The following ANKMY1 variants were observed in gnomAD, a reference collection of about 807,000 sequenced individuals.
The protein encoded by ANKMY1 is ankyrin repeat and MYND domain containing 1.
In ANKMY1, 98 loss-of-function variants were observed where a neutral mutation model predicts 102.0. The ratio of observed to expected loss-of-function variants is 0.96; its 90% CI spans 0.82 to 1.14. The LOEUF is 1.14. Ranked by LOEUF, ANKMY1 falls within the 50% of genes most tolerant of loss-of-function variation. The pLI, the probability that ANKMY1 is intolerant of heterozygous loss-of-function variation, is 0.00. For synonymous variants in ANKMY1, 582 were observed against 559.9 expected (o/e 1.04, Z -0.56); for missense variants, 1,330 against 1,347.6 (o/e 0.99, Z 0.20).
intron 13 of ANKMY1, 100 bp downstream of exon 13, chr2:240,507,460 C>T: frequency 7.1e-7 from 1 of 1,417,484 alleles, no homozygotes; most frequent in Non-Finnish European, 9.4e-7. Flanking sequence ...ACTCCCCTCC[C>T]CGCTCATCAG....
chr2:240,526,195 C>T (rs1044701735), intron 6 of ANKMY1, 34 bp downstream of exon 6: 13 of 1,613,116 alleles, frequency 8.1e-6, no homozygotes, highest in Admixed American at 1.7e-5. Context: ...AGCTAAGCTC[C>T]TGCGGGCACC....
chr2:240,479,560 C>G lies in ANKMY1; in HGVS notation c.*49G>C. 6.2e-7 allele frequency: 1 copy of G among 1,604,354 alleles called. No homozygotes were observed. Among genetic ancestry groups the G allele is most frequent in the Non-Finnish European group, 8.5e-7 (1 of 1,172,082 alleles). ...TGAGGTGGCTCAGGCAGGTAAGAAACCCACACAGTCCTGGGTCCTCCCCAA... is the reference window on the plus strand; with the variant it reads ...TGAGGTGGCTCAGGCAGGTAAGAAAGCCACACAGTCCTGGGTCCTCCCCAA... On this transcript the variant is annotated 3_prime_UTR_variant, in exon 18 of 18. Transcript: ENST00000401804.
intron 15 of ANKMY1, among the ~76,000 whole-genome samples, chr2:240,492,159 A>T (rs1261589601): frequency 2.0e-5 from 3 of 151,956 alleles, no homozygotes; most frequent in Admixed American, 6.6e-5. Context: ...CACCCAGCTA[A>T]TTTTTTTCTT....
At chr2:240,560,749 T>C, upstream of ANKMY1, 1 of 1,506,296 alleles carries the variant, frequency 6.6e-7, no homozygotes, top group Non-Finnish European at 8.8e-7. Context: ...TTGGTGCGCG[T>C]CGCGCCCTCA....
At chr2:240,502,151 G>C (rs1377638694) in intron 13 of ANKMY1, among the ~76,000 whole-genome samples, 7 of 146,342 alleles carry the variant, frequency 4.8e-5, no homozygotes, top group Non-Finnish European at 1.0e-4. Flanking sequence ...CAATGTTGCT[G>C]GGGGACTTGC....
intron 15 of ANKMY1, among the ~76,000 whole-genome samples, chr2:240,484,119 A>C (rs951628824): frequency 2.0e-5 from 3 of 152,206 alleles, no homozygotes; most frequent in Non-Finnish European, 4.4e-5. Flanking sequence ...AGTCTTTGCT[A>C]TTGTGAATAG....
intron 14 of ANKMY1, 104 bp from the exon 15 acceptor site, chr2:240,500,227 C>T: frequency 7.2e-7 from 1 of 1,383,844 alleles, no homozygotes; most frequent in South Asian, 1.4e-5. Flanking sequence ...TGATATATAA[C>T]TGAGGACGAA....
intron 15 of ANKMY1, among the ~76,000 whole-genome samples, chr2:240,488,485 GT>G (rs1481424817): frequency 6.6e-6 from 1 of 152,096 alleles, no homozygotes; most frequent in Non-Finnish European, 1.5e-5. Flanking sequence ...TTTTAGGATT[GT>G]TTTTTCTGTT....
Position 240,479,600 on chromosome 2 carries a change from GC to G in ANKMY1, c.*8del. 6.2e-7 allele frequency: 1 copy of G among 1,613,968 alleles called. No individual in the cohort carries two copies. The stretch of plus-strand genomic sequence containing the variant: ...GTCCTCCCCAAGCCTCGGACGTGCA[GC>G]TGCTGCTTCACTGGAATTCTTCTCT... On this transcript the variant is annotated 3_prime_UTR_variant, in exon 18 of 18. Coordinates refer to ENST00000401804, the MANE Select transcript of ANKMY1 (RefSeq NM_001282771.3).
chr2:240,507,839 CCA>C, intron 12 of ANKMY1, 148 bp from the exon 13 acceptor site: 2 of 924,524 alleles, frequency 2.2e-6, no homozygotes, highest in East Asian at 6.2e-5. Flanking sequence ...CGGATCCTAC[CCA>C]CAGTGGGTCC....
At position 240,529,961 on chromosome 2, in the gene ANKMY1, A is replaced by AGAG. The variant is rs138792526; in HGVS notation, c.481-455_481-453dup. Among the ~76,000 whole-genome samples the AGAG allele has an allele frequency of 6.6e-6, 1 of 151,742 alleles. No homozygotes were observed. Among genetic ancestry groups the AGAG allele is most frequent in the Admixed American group, 6.6e-5 (1 of 15,240 alleles). ...AAGGAGGAGGAGATAGAGGAAAGGA[A>AGAG]GAGGAGGAGGAGGAAGAGGAAGGAG... On this transcript the variant is annotated intron_variant, in intron 4 of 17. Coordinates refer to ENST00000401804, the MANE Select transcript of ANKMY1 (RefSeq NM_001282771.3). This position sits in a 1 kb window ranked among gnomAD's most constrained non-coding sequence, Gnocchi z 4.2.
intron 15 of ANKMY1, among the ~76,000 whole-genome samples, chr2:240,488,275 G>C (rs1226218963): frequency 6.6e-6 from 1 of 152,104 alleles, no homozygotes; most frequent in African/African-American, 2.4e-5. Context: ...GAGATCAGTT[G>C]GCTGTAAATA....
At chr2:240,523,238 C>G (rs2082649724) in intron 8 of ANKMY1, 1 of 152,500 alleles carries the variant, frequency 6.6e-6, no homozygotes, top group Non-Finnish European at 1.5e-5. Context: ...ACAGGCATCC[C>G]CGCAAGTGCA....
chr2:240,492,759 C>T lies in ANKMY1; in HGVS notation c.2806+7199G>A, dbSNP rs1020243085. Reference sequence around the variant, plus strand: ...AGACTGGAGTGCAGTGGCACGATCTCGGCTCACTGCAACCTCCGCCTCCCG... The same window carrying T: ...AGACTGGAGTGCAGTGGCACGATCTTGGCTCACTGCAACCTCCGCCTCCCG... On this transcript the variant is annotated intron_variant, in intron 15 of 17. Transcript: ENST00000401804. 1.2e-4 allele frequency among the ~76,000 whole-genome samples: 18 copies of T among 152,114 alleles called. 1 individual carries two copies. The highest frequency in any genetic ancestry group is 9.2e-4 in the Admixed American group (14 of 15,284).
Position 240,520,072 on chromosome 2 carries a change from G to C in ANKMY1, c.2004+290C>G, listed in dbSNP as rs1405592537. ...GAATATAAGTCTCCCCTTTCCAAGGGGCCTTCAGGATGCGCTTCCCCTTAG... is the reference window on the plus strand; with the variant it reads ...GAATATAAGTCTCCCCTTTCCAAGGCGCCTTCAGGATGCGCTTCCCCTTAG... On this transcript the variant is annotated intron_variant, in intron 9 of 17. Coordinates refer to ENST00000401804, the MANE Select transcript of ANKMY1 (RefSeq NM_001282771.3). This position sits in a 1 kb window ranked among gnomAD's most constrained non-coding sequence, Gnocchi z 4.8. 1 of 612,108 alleles carries C rather than the reference G, an allele frequency of 1.6e-6. No individual in the cohort carries two copies. Among genetic ancestry groups the C allele is most frequent in the African/African-American group, 1.8e-5 (1 of 54,908 alleles). 37.9% of individuals were successfully genotyped at this position (612,108 alleles called of 1,614,324 possible).
Position 240,520,341 on chromosome 2 carries a change from C to A in ANKMY1, c.2004+21G>T. Reference sequence around the variant, plus strand: ...GGAGTCTGCTGCGCTCGTCCCGGCGCCCGCCCGCCGCGGCTCCTACCTGCG... The same window carrying A: ...GGAGTCTGCTGCGCTCGTCCCGGCGACCGCCCGCCGCGGCTCCTACCTGCG... On this transcript the variant is annotated intron_variant, in intron 9 of 17. Coordinates refer to ENST00000401804, the MANE Select transcript of ANKMY1 (RefSeq NM_001282771.3). This position sits in a 1 kb window ranked among gnomAD's most constrained non-coding sequence, Gnocchi z 4.8. The A allele has an allele frequency of 1.1e-5, 16 of 1,517,832 alleles. No individual in the cohort carries two copies. The highest frequency in any genetic ancestry group is 1.4e-5 in the Non-Finnish European group (16 of 1,127,632). 94.0% of individuals were successfully genotyped at this position (1,517,832 alleles called of 1,614,324 possible).
chr2:240,485,380 G>A (rs189465815), intron 15 of ANKMY1, among the ~76,000 whole-genome samples: 4 of 152,192 alleles, frequency 2.6e-5, no homozygotes, highest in African/African-American at 9.6e-5. Flanking sequence ...ATGCTGGAGA[G>A]GATGTGGAGA....
At position 240,480,219 on chromosome 2, in the gene ANKMY1, G is replaced by A. The variant is rs537091753; in HGVS notation, c.3047-564C>T. 3.3e-5 allele frequency among the ~76,000 whole-genome samples: 5 copies of A among 152,318 alleles called. No homozygotes were observed. The East Asian group carries it at 9.7e-4, about 29-fold the overall frequency. The stretch of plus-strand genomic sequence containing the variant: ...AAGAAAACAAAAAGCCCCATTTTAT[G>A]GAGGGGGAAGGAGGTCAGCAGCCAT... On this transcript the variant is annotated intron_variant, in intron 17 of 17. Coordinates refer to ENST00000401804, the MANE Select transcript of ANKMY1 (RefSeq NM_001282771.3).
At chr2:240,543,057 T>C (rs191176899) in intron 4 of ANKMY1, among the ~76,000 whole-genome samples, 46 of 152,016 alleles carry the variant, frequency 3.0e-4, no homozygotes, top group Non-Finnish European at 5.6e-4. Context: ...TTTGAAATTA[T>C]AGGTAAAATA....
Sources: gnomAD v4.1 joint callset for allele counts (sites outside exome capture counted in the v4.1 genomes callset) on GRCh38, gnomAD v4.1.1 for gene constraint, Gnocchi (gnomAD v3.1) non-coding constraint, MANE v1.5 for transcripts, NCBI Gene and HGNC (gene_info 2026-07-23, HGNC 2026-07-21) for gene names.